The following ITFG1 variants were observed in gnomAD, a reference collection of about 807,000 sequenced individuals.
The protein encoded by ITFG1 is T-cell immunomodulatory protein.
In ITFG1, 34 loss-of-function variants were observed where a neutral mutation model predicts 81.8. The observed-to-expected ratio is 0.42, with a 90% CI of 0.32 to 0.55. The LOEUF (loss-of-function observed/expected upper bound fraction) is 0.55. Among genes scored for constraint, ITFG1 ranks in the 20% least tolerant of loss-of-function variants. The pLI is 0.17. For synonymous variants in ITFG1, 285 were observed against 270.6 expected, an observed-to-expected ratio of 1.05 and a Z score of -0.52; for missense variants, 672 against 755.4, an observed-to-expected ratio of 0.89 and a Z score of 1.29.
intron 8 of ITFG1, among the ~76,000 whole-genome samples, chr16:47,355,163 G>A (rs182241206): frequency 5.5e-4 from 83 of 151,804 alleles, no homozygotes; most frequent in African/African-American, 1.9e-3. Context: ...TGTATGAATG[G>A]ATAAAAAAAA....
rs143605340 is a variant in ITFG1, at chr16:47,203,686, T to C, written c.1453+15182A>G. Among the ~76,000 whole-genome samples, 358 of 152,304 alleles carry C rather than the reference T, an allele frequency of 2.4e-3. 9 individuals are homozygous for C. In the East Asian group the frequency reaches 0.06, roughly 26 times the overall value. ...AGAGCTCAGGCTATAATGTGATTGA[T>C]GGGGAGCAGCTGTAAATACAGATGA... On this transcript the variant is annotated intron_variant, in intron 14 of 17. Coordinates refer to ENST00000320640, the MANE Select transcript of ITFG1 (RefSeq NM_030790.5).
intron 6 of ITFG1, among the ~76,000 whole-genome samples, chr16:47,425,081 G>A (rs1434175807): frequency 6.6e-6 from 1 of 152,190 alleles, no homozygotes; most frequent in East Asian, 1.9e-4. Context: ...CTGAGCTGCA[G>A]TGAGCTCCTC....
At chr16:47,309,029 CTA>C (rs1967214665) in intron 10 of ITFG1, among the ~76,000 whole-genome samples, 1 of 151,162 alleles carries the variant, frequency 6.6e-6, no homozygotes, top group South Asian at 2.1e-4. Context: ...AATATTCACT[CTA>C]TGTGCTCAAC....
intron 10 of ITFG1, among the ~76,000 whole-genome samples, chr16:47,274,022 C>T (rs1028562396): frequency 3.9e-5 from 6 of 152,146 alleles, no homozygotes; most frequent in South Asian, 2.1e-4. Flanking sequence ...TTTGGGAGAC[C>T]GAGGTAGGTG....
chr16:47,171,763 T>C (rs1444265796), intron 14 of ITFG1, among the ~76,000 whole-genome samples: 1 of 152,214 alleles, frequency 6.6e-6, no homozygotes, highest in Admixed American at 6.5e-5. Flanking sequence ...TTGTTTAGTT[T>C]TGTGATATAT....
intron 14 of ITFG1, among the ~76,000 whole-genome samples, chr16:47,171,860 T>C (rs1381975477): frequency 6.6e-6 from 1 of 152,162 alleles, no homozygotes; most frequent in East Asian, 1.9e-4. Flanking sequence ...ATATGAATAG[T>C]TTTGTATCTG....
intron 6 of ITFG1, among the ~76,000 whole-genome samples, chr16:47,388,133 T>C (rs763232587): frequency 1.8e-4 from 27 of 151,988 alleles, no homozygotes; most frequent in Non-Finnish European, 2.8e-4. Context: ...CATGACAGAT[T>C]AAGCAGCCTG....
chr16:47,441,836 C>G (rs998830939), intron 5 of ITFG1, among the ~76,000 whole-genome samples: 10 of 152,050 alleles, frequency 6.6e-5, no homozygotes, highest in African/African-American at 1.9e-4. Flanking sequence ...CCAGGGCAAT[C>G]AGGCAGGAGA....
chr16:47,324,507 G>T (rs1010646948), intron 8 of ITFG1, among the ~76,000 whole-genome samples: 9 of 152,268 alleles, frequency 5.9e-5, no homozygotes, highest in African/African-American at 2.2e-4. Context: ...AAATGTAAAT[G>T]GGTTAAATGC....
At position 47,337,838 on chromosome 16, in the gene ITFG1, G is replaced by C. The variant is rs192481337; in HGVS notation, c.803-24015C>G. On this transcript the variant is annotated intron_variant, in intron 8 of 17. Transcript: ENST00000320640. Reference sequence around the variant, plus strand: ...AGAAAGGGACCTGAGAAGACCCTGAGTTTTCACATGGGCTGTTCCCTAGAC... The same window carrying C: ...AGAAAGGGACCTGAGAAGACCCTGACTTTTCACATGGGCTGTTCCCTAGAC... 1.7e-4 allele frequency among the ~76,000 whole-genome samples: 26 copies of C among 152,362 alleles called. No individual in the cohort carries two copies. The East Asian group carries it at 3.9e-3, about 23-fold the overall frequency.
intron 10 of ITFG1, among the ~76,000 whole-genome samples, chr16:47,289,995 C>T (rs1048556705): frequency 3.9e-5 from 6 of 151,940 alleles, no homozygotes; most frequent in Admixed American, 3.9e-4. Context: ...TTGCTGTATC[C>T]CACAGGTTTC....
chr16:47,303,119 A>C (rs1038994785), intron 10 of ITFG1, among the ~76,000 whole-genome samples: 1 of 151,968 alleles, frequency 6.6e-6, no homozygotes, highest in Non-Finnish European at 1.5e-5. Flanking sequence ...AAAATACAAA[A>C]AATTAGCCAG....
At chr16:47,217,083 A>G (rs552128915) in intron 14 of ITFG1, among the ~76,000 whole-genome samples, 3 of 152,320 alleles carry the variant, frequency 2.0e-5, no homozygotes, top group Admixed American at 1.3e-4. Flanking sequence ...ATAGCCCCCA[A>G]AGAAATCAGG....
intron 1 of ITFG1, among the ~76,000 whole-genome samples, chr16:47,460,305 C>T (rs1353088928): frequency 6.6e-6 from 1 of 152,132 alleles, no homozygotes; most frequent in African/African-American, 2.4e-5. Context: ...AGGGTACATT[C>T]GCTTCATAGA....
chr16:47,438,975 C>A (rs547153348), intron 5 of ITFG1, among the ~76,000 whole-genome samples: 89 of 152,178 alleles, frequency 5.8e-4, no homozygotes, highest in African/African-American at 1.9e-3. Context: ...ATAAACAATG[C>A]AGAGAAGCCC....
intron 9 of ITFG1, chr16:47,312,288 C>T (rs1967277321): frequency 6.6e-6 from 1 of 152,166 alleles, no homozygotes; most frequent in Non-Finnish European, 1.5e-5. Context: ...GCACAGCTGA[C>T]TTGAGATGGC....
At chr16:47,210,758 A>G (rs1008436275) in intron 14 of ITFG1, among the ~76,000 whole-genome samples, 1 of 152,136 alleles carries the variant, frequency 6.6e-6, no homozygotes, top group Non-Finnish European at 1.5e-5. Context: ...TGAGGTAGGC[A>G]TGTTTGTATG....
At chr16:47,264,233 C>T (rs1966246588) in intron 10 of ITFG1, among the ~76,000 whole-genome samples, 1 of 151,910 alleles carries the variant, frequency 6.6e-6, no homozygotes, top group African/African-American at 2.4e-5. Context: ...TATGTAAATA[C>T]ATATAACCTT....
chr16:47,161,278 T>G (rs995283346), intron 16 of ITFG1, among the ~76,000 whole-genome samples: 1 of 152,208 alleles, frequency 6.6e-6, no homozygotes, highest in African/African-American at 2.4e-5. Flanking sequence ...AAAGTGAGTC[T>G]TGGAGAGGAC....
Sources: gnomAD v4.1 joint callset for allele counts (sites outside exome capture counted in the v4.1 genomes callset) on GRCh38, gnomAD v4.1.1 for gene constraint, MANE v1.5 for transcripts, NCBI Gene and HGNC (gene_info 2026-07-23, HGNC 2026-07-21) for gene names.